The following SLC22A23 variants were observed in gnomAD, a reference collection of about 807,000 sequenced individuals.
The protein encoded by SLC22A23 is ion transporter protein.
Under a neutral mutation model 61.0 loss-of-function variants are expected in SLC22A23, and 26 were observed. The ratio of observed to expected loss-of-function variants is 0.43; its 90% CI spans 0.31 to 0.59. The LOEUF (loss-of-function observed/expected upper bound fraction) is 0.59. Among genes scored for constraint, SLC22A23 ranks in the 20% least tolerant of loss-of-function variants. SLC22A23 has a pLI of 0.11. For synonymous variants in SLC22A23, 430 were observed against 413.9 expected, an observed-to-expected ratio of 1.04 and a Z score of -0.47; for missense variants, 796 against 934.7, an observed-to-expected ratio of 0.85 and a Z score of 1.94.
chr6:3,323,791 G>A (rs1006012994), intron 4 of SLC22A23, 43 bp downstream of exon 4: 3 of 1,574,522 alleles, frequency 1.9e-6, no homozygotes, highest in South Asian at 1.2e-5. Flanking sequence ...CAGGAAGCAT[G>A]TGCAGTCGCA....
intron 3 of SLC22A23, among the ~76,000 whole-genome samples, chr6:3,335,229 A>C (rs548576251): frequency 1.4e-3 from 213 of 152,302 alleles, no homozygotes; most frequent in African/African-American, 5.1e-3. Context: ...GAGCAGTAAG[A>C]GGTCTTCCTC....
rs534541434 is a variant in SLC22A23, at chr6:3,393,127, C to A, written c.913+17061G>T. On this transcript the variant is annotated intron_variant, in intron 3 of 9. Transcript: ENST00000406686. ...TCAGATAAGCAAAAGAGAAAATGAC[C>A]AAGCCTGTGGCAGCCTGGAGGCTGT... Among the ~76,000 whole-genome samples the A allele has an allele frequency of 1.8e-4, 27 of 152,278 alleles. No individual in the cohort carries two copies. In the South Asian group the frequency reaches 3.9e-3, roughly 22 times the overall value.
At chr6:3,382,727 C>T (rs969366053) in intron 3 of SLC22A23, among the ~76,000 whole-genome samples, 6 of 152,328 alleles carry the variant, frequency 3.9e-5, no homozygotes, top group African/African-American at 1.4e-4. Context: ...GATTAAGTAG[C>T]TGTGGCAAAA....
At chr6:3,426,278 C>T (rs1376121195) in intron 1 of SLC22A23, among the ~76,000 whole-genome samples, 1 of 152,204 alleles carries the variant, frequency 6.6e-6, no homozygotes, top group Non-Finnish European at 1.5e-5. Context: ...CAGACTTGAG[C>T]AGAGCCCAGG....
At chr6:3,381,670 T>C (rs1253008214) in intron 3 of SLC22A23, among the ~76,000 whole-genome samples, 2 of 152,174 alleles carry the variant, frequency 1.3e-5, no homozygotes, top group Non-Finnish European at 2.9e-5. Flanking sequence ...ATTTACCATC[T>C]GTGCGAGGGG....
intron 4 of SLC22A23, among the ~76,000 whole-genome samples, chr6:3,307,963 C>T (rs1490032846): frequency 6.6e-6 from 1 of 152,142 alleles, no homozygotes; most frequent in African/African-American, 2.4e-5. Flanking sequence ...GTACTCTGTG[C>T]AATAAGCCAG....
chr6:3,432,235 G>A (rs866803567), intron 1 of SLC22A23: 22 of 985,470 alleles, frequency 2.2e-5, no homozygotes, highest in Middle Eastern at 5.2e-4. Context: ...TCTTCACTGA[G>A]AGCCTGCGGC....
At position 3,427,923 on chromosome 6, in the gene SLC22A23, G is replaced by A. The variant is rs1321897396; in HGVS notation, c.655-12068C>T. ...CTCTGGTCGGGAGAGGAAGAAGGTC[G>A]GCTGCACCCGAGGTGGGGTGAGCCA... On this transcript the variant is annotated intron_variant, in intron 1 of 9. Transcript: ENST00000406686. This position sits in a 1 kb window ranked among gnomAD's most constrained non-coding sequence, Gnocchi z 4.3. Among the ~76,000 whole-genome samples, 8 of 152,316 alleles carry A rather than the reference G, an allele frequency of 5.3e-5. No individual in the cohort carries two copies. Among genetic ancestry groups the A allele is most frequent in the South Asian group, 2.1e-4 (1 of 4,830 alleles).
In SLC22A23 at chr6:3,410,306, G is replaced by A; in HGVS notation, c.795C>T (p.Ile265=). The change falls in exon 3 of 10, where the codon ATC becomes ATT. Residue 265 remains isoleucine (I), a synonymous_variant. Coordinates refer to ENST00000406686, the MANE Select transcript of SLC22A23 (RefSeq NM_015482.2). This position sits in a 1 kb window ranked among gnomAD's most constrained non-coding sequence, Gnocchi z 5.0. ...GRRPVLLFSI[I]FILIFGLTVA... The stretch of plus-strand genomic sequence containing the variant: ...CAGTCAGTCCAAAGATCAGAATGAA[G>A]ATGATGGAAAACAGCAGCACAGGCC... 6.2e-7 allele frequency: 1 copy of A among 1,613,670 alleles called. No homozygotes were observed. Among genetic ancestry groups the A allele is most frequent in the South Asian group, 1.1e-5 (1 of 90,946 alleles).
chr6:3,291,078 G>A (rs1305386025), intron 5 of SLC22A23: 1 of 152,204 alleles, frequency 6.6e-6, no homozygotes, highest in African/African-American at 2.4e-5. Context: ...GAATGGTAGT[G>A]TTCCAATGTC....
intron 5 of SLC22A23, among the ~76,000 whole-genome samples, chr6:3,292,949 C>A (rs867200560): frequency 2.0e-5 from 3 of 152,192 alleles, no homozygotes; most frequent in Admixed American, 6.5e-5. Context: ...GCCCTGATGA[C>A]CCTGCTGACC....
At chr6:3,277,176 C>T (rs978698769) in intron 9 of SLC22A23, among the ~76,000 whole-genome samples, 3 of 152,088 alleles carry the variant, frequency 2.0e-5, no homozygotes, top group Admixed American at 6.6e-5. Context: ...TGGAGAGGTT[C>T]AAGAACTGGG....
At chr6:3,334,045 A>C (rs1763718562) in intron 3 of SLC22A23, among the ~76,000 whole-genome samples, 1 of 152,226 alleles carries the variant, frequency 6.6e-6, no homozygotes, top group Admixed American at 6.5e-5. Flanking sequence ...CTGAGATCCT[A>C]TAATTAATTT....
At position 3,414,721 on chromosome 6, in the gene SLC22A23, CAAA is replaced by C. The variant is rs60880355; in HGVS notation, c.758+1028_758+1030del. On this transcript the variant is annotated intron_variant, in intron 2 of 9. Transcript: ENST00000406686. The surrounding 1 kb of genome is among the most constrained non-coding windows in gnomAD (Gnocchi z 5.1). ...TCAAGGCCAAGATGTCTCGATTCAC[CAAA>C]AAAAAAAAAAAAAAAAAAAATCCTT... 1.9e-4 allele frequency among the ~76,000 whole-genome samples: 17 copies of C among 89,496 alleles called. No homozygotes were observed. Among genetic ancestry groups the C allele is most frequent in the African/African-American group, 4.4e-4 (10 of 22,838 alleles). 58.7% of individuals were successfully genotyped at this position (89,496 alleles called of 152,430 possible). A position where few individuals can be genotyped will look rare whatever the true frequency, so the allele number is the denominator to read the frequency against.
At chr6:3,313,414 A>G (rs1408063746) in intron 4 of SLC22A23, 1 of 152,172 alleles carries the variant, frequency 6.6e-6, no homozygotes, top group East Asian at 1.9e-4. Context: ...ACTTGTAAAA[A>G]TAATTATTGC....
rs1176083828 is a variant in SLC22A23 at position 3,293,602 on chromosome 6, C to T, written c.1211-3736G>A. On this transcript the variant is annotated intron_variant, in intron 5 of 9. Coordinates refer to ENST00000406686, the MANE Select transcript of SLC22A23 (RefSeq NM_015482.2). ...CTCTGTCATCTCTGTCCTCGTCTGC[C>T]CAGACACAGGCTCCACCTAACCTGA... is the stretch of plus-strand genomic sequence containing the variant. 2.0e-5 allele frequency among the ~76,000 whole-genome samples: 3 copies of T among 152,356 alleles called. No homozygotes were observed. In the East Asian group the frequency reaches 5.8e-4, roughly 29 times the overall value.
chr6:3,275,240 G>A (rs537550848), intron 9 of SLC22A23, among the ~76,000 whole-genome samples: 5 of 152,296 alleles, frequency 3.3e-5, no homozygotes, highest in African/African-American at 1.2e-4. Context: ...TCAACAGGTG[G>A]TGCTGGGACA....
Position 3,324,035 on chromosome 6 carries a change from T to C in SLC22A23, c.914-33A>G, listed in dbSNP as rs761354413. 10 of 1,605,176 alleles carry C rather than the reference T, an allele frequency of 6.2e-6. No homozygotes were observed. In the South Asian group the frequency reaches 9.9e-5, roughly 16 times the overall value. On this transcript the variant is annotated intron_variant, in intron 3 of 9. Coordinates refer to ENST00000406686, the MANE Select transcript of SLC22A23 (RefSeq NM_015482.2). The surrounding 1 kb of genome is among the most constrained non-coding windows in gnomAD (Gnocchi z 4.3). The stretch of plus-strand genomic sequence containing the variant: ...ACAGAACCAATGAGAGAGAGATGAG[T>C]GCCCTGCTCGACAGCCCGAGAAGTC...
intron 4 of SLC22A23, among the ~76,000 whole-genome samples, chr6:3,306,367 T>A (rs1047417161): frequency 1.2e-4 from 19 of 152,124 alleles, no homozygotes; most frequent in Non-Finnish European, 5.9e-5. Context: ...AAGGGAAAAA[T>A]AATTTGGTTC....
Sources: gnomAD v4.1 joint callset for allele counts (sites outside exome capture counted in the v4.1 genomes callset) on GRCh38, gnomAD v4.1.1 for gene constraint, Gnocchi (gnomAD v3.1) non-coding constraint, MANE v1.5 for transcripts, NCBI Gene and HGNC (gene_info 2026-07-23, HGNC 2026-07-21) for gene names.